CSMD1: variants seen among roughly 807,000 people sequenced by gnomAD.
CSMD1 encodes the protein CUB and sushi domain-containing protein 1.
Under a neutral mutation model 417.5 loss-of-function variants are expected in CSMD1, and 213 were observed. The observed-to-expected ratio is 0.51, with a 90% confidence interval of 0.46 to 0.57. The LOEUF is 0.57. Among genes scored for constraint, CSMD1 ranks in the 20% least tolerant of loss-of-function variants. CSMD1 has a pLI of 0.00. For synonymous variants in CSMD1, 2,862 were observed against 1,736.8 expected (o/e 1.65, Z -16.11); for missense variants, 6,923 against 4,529.7 (o/e 1.53, Z -15.17).
At chr8:4,351,880 T>C (rs532201648) in intron 3 of CSMD1, among the ~76,000 whole-genome samples, 1 of 151,772 alleles carries the variant, frequency 6.6e-6, no homozygotes, top group Non-Finnish European at 1.5e-5. Flanking sequence ...AGGACTTGTA[T>C]GTGGATTACG....
intron 3 of CSMD1, among the ~76,000 whole-genome samples, chr8:4,058,753 A>T (rs1310130620): frequency 2.1e-5 from 3 of 143,130 alleles, no homozygotes; most frequent in African/African-American, 7.8e-5. Context: ...TATCCTAAAT[A>T]TATATGCACC....
At chr8:3,859,411 A>G (rs574955947) in intron 5 of CSMD1, among the ~76,000 whole-genome samples, 1 of 152,170 alleles carries the variant, frequency 6.6e-6, no homozygotes, top group Non-Finnish European at 1.5e-5. Flanking sequence ...TTGTTTACAG[A>G]TGTGTAGTAA....
intron 1 of CSMD1, among the ~76,000 whole-genome samples, chr8:4,987,321 C>T (rs1776818932): frequency 6.6e-6 from 1 of 152,130 alleles, no homozygotes; most frequent in Non-Finnish European, 1.5e-5. Flanking sequence ...TCATGCCCAC[C>T]CTGACTTTGA....
At chr8:4,827,831 G>C (rs1394898208) in intron 1 of CSMD1, among the ~76,000 whole-genome samples, 1 of 152,126 alleles carries the variant, frequency 6.6e-6, no homozygotes, top group Non-Finnish European at 1.5e-5. Context: ...TACAGGTACA[G>C]CCTGTTTAAA....
At chr8:4,372,821 T>C (rs546340952) in intron 3 of CSMD1, among the ~76,000 whole-genome samples, 4 of 151,438 alleles carry the variant, frequency 2.6e-5, no homozygotes, top group Admixed American at 2.0e-4. Context: ...AAAAATAAAA[T>C]AGGAAGAAAG....
intron 26 of CSMD1, among the ~76,000 whole-genome samples, chr8:3,252,090 A>G (rs1800312725): frequency 6.6e-6 from 1 of 152,238 alleles, no homozygotes; most frequent in Non-Finnish European, 1.5e-5. Flanking sequence ...CAGAACTTCC[A>G]ACACTATGTT....
Position 3,308,332 on chromosome 8 carries a change from T to G in CSMD1, c.3803A>C (p.Lys1268Thr). Reference sequence around the variant, plus strand: ...CTCACCTATGCACGAAGGTAGTGGTTTGTCCCACACTCTCCTGTCTCCACT... The same window carrying G: ...CTCACCTATGCACGAAGGTAGTGGTGTGTCCCACACTCTCCTGTCTCCACT... ...CLSGDRRVWD[K>T]PLPSCIAECG... The change falls in exon 24 of 70, where the codon AAA (lysine) becomes ACA (threonine). Residue 1268 changes from lysine to threonine, a missense_variant. Transcript: ENST00000635120. 1.2e-6 allele frequency: 2 copies of G among 1,611,326 alleles called. No individual in the cohort carries two copies. The highest frequency in any genetic ancestry group is 4.5e-5 in the East Asian group (2 of 44,754).
chr8:4,005,301 T>C (rs1450841448), intron 4 of CSMD1, among the ~76,000 whole-genome samples: 3 of 151,878 alleles, frequency 2.0e-5, no homozygotes, highest in Non-Finnish European at 4.4e-5. Context: ...AATAAAATAA[T>C]AAAAAAAGTT....
At chr8:4,000,741 A>C (rs1381562368) in intron 4 of CSMD1, among the ~76,000 whole-genome samples, 1 of 152,012 alleles carries the variant, frequency 6.6e-6, no homozygotes, top group South Asian at 2.1e-4. Flanking sequence ...GTATAAATAT[A>C]TAATTTTATT....
chr8:4,121,665 G>T (rs112392903), intron 3 of CSMD1, among the ~76,000 whole-genome samples: 6 of 148,428 alleles, frequency 4.0e-5, no homozygotes, highest in African/African-American at 1.2e-4. Context: ...ACTAAGCCAA[G>T]ATTTTCTAAT....
At chr8:3,611,055 G>C (rs1801867780) in intron 8 of CSMD1, among the ~76,000 whole-genome samples, 1 of 130,404 alleles carries the variant, frequency 7.7e-6, no homozygotes, top group Admixed American at 8.9e-5. Flanking sequence ...ACACAGGAAG[G>C]GGAACATCAC....
intron 2 of CSMD1, among the ~76,000 whole-genome samples, chr8:4,550,623 T>C (rs1398577996): frequency 6.6e-6 from 1 of 152,176 alleles, no homozygotes; most frequent in African/African-American, 2.4e-5. Flanking sequence ...AATGAAATCA[T>C]AGATGTTGGG....
intron 3 of CSMD1, among the ~76,000 whole-genome samples, chr8:4,179,836 A>C (rs1798256408): frequency 6.6e-6 from 1 of 152,234 alleles, no homozygotes; most frequent in Admixed American, 6.5e-5. Context: ...AATGCTCATC[A>C]TCACTGGCCA....
At chr8:4,189,537 T>C (rs1584988666) in intron 3 of CSMD1, among the ~76,000 whole-genome samples, 2 of 152,176 alleles carry the variant, frequency 1.3e-5, no homozygotes, top group African/African-American at 2.4e-5. Flanking sequence ...ATCAACTTTA[T>C]GGTTACCATC....
intron 2 of CSMD1, among the ~76,000 whole-genome samples, chr8:4,449,229 C>A (rs1478513988): frequency 6.6e-6 from 1 of 152,182 alleles, no homozygotes; most frequent in Non-Finnish European, 1.5e-5. Flanking sequence ...AGAATAATTA[C>A]ACTGTCTATG....
intron 3 of CSMD1, among the ~76,000 whole-genome samples, chr8:4,295,698 T>A (rs1460641652): frequency 1.6e-3 from 235 of 144,892 alleles, no homozygotes; most frequent in Middle Eastern, 7.8e-3. Flanking sequence ...GTTATATATG[T>A]TATATATTGT....
intron 1 of CSMD1, among the ~76,000 whole-genome samples, chr8:4,666,680 G>C (rs566902209): frequency 2.0e-5 from 3 of 152,278 alleles, no homozygotes; most frequent in East Asian, 3.9e-4. Flanking sequence ...TAAACAAAGT[G>C]TCCAAATATT....
chr8:3,580,904 T>A (rs1200191507), intron 9 of CSMD1, among the ~76,000 whole-genome samples: 1 of 152,216 alleles, frequency 6.6e-6, no homozygotes, highest in African/African-American at 2.4e-5. Flanking sequence ...TTTTGGTAAA[T>A]GATGAGTTCA....
chr8:4,153,639 A>C (rs1288948008), intron 3 of CSMD1, among the ~76,000 whole-genome samples: 1 of 152,174 alleles, frequency 6.6e-6, no homozygotes, highest in Non-Finnish European at 1.5e-5. Flanking sequence ...CTTGCAAGGC[A>C]GCTGACATCC....
Sources: allele counts gnomAD v4.1 joint callset (sites outside exome capture counted in the v4.1 genomes callset), GRCh38; gene constraint gnomAD v4.1.1; transcripts MANE v1.5; gene names NCBI Gene and HGNC (gene_info 2026-07-23, HGNC 2026-07-21).